Variants in UBE2L3 observed in about 807,000 individuals in gnomAD.
The protein encoded by UBE2L3 is ubiquitin-conjugating enzyme E2 L3.
UBE2L3 carries 1 observed loss-of-function variant against 17.8 expected under a neutral mutation model. The observed-to-expected ratio is 0.06, with a 90% CI of 0.02 to 0.27. The LOEUF is 0.27. UBE2L3 is among the 10% of genes least tolerant of loss of function. UBE2L3 has a pLI of 1.00. For missense variants in UBE2L3, 40 were observed against 192.6 expected, an observed-to-expected ratio of 0.21 and a Z score of 4.69; for synonymous variants, 44 against 68.5, an observed-to-expected ratio of 0.64 and a Z score of 1.76.
At chr22:21,562,498 A>G (rs1254285516) in intron 1 of UBE2L3, among the ~76,000 whole-genome samples, 1 of 151,212 alleles carries the variant, frequency 6.6e-6, no homozygotes. Context: ...CAACCTCCCG[A>G]GTAGCTGGGA....
intron 2 of UBE2L3, among the ~76,000 whole-genome samples, chr22:21,607,178 C>T (rs1278921244): frequency 6.6e-6 from 1 of 152,100 alleles, no homozygotes; most frequent in Non-Finnish European, 1.5e-5. Context: ...TAGGCCACGG[C>T]TTGAAGATAT....
chr22:21,564,574 A>G (rs900673869), upstream of UBE2L3, among the ~76,000 whole-genome samples: 1 of 152,144 alleles, frequency 6.6e-6, no homozygotes, highest in Admixed American at 6.6e-5. Context: ...CCCCACCTGC[A>G]AAGTGCAAGG....
intron 3 of UBE2L3, among the ~76,000 whole-genome samples, chr22:21,615,104 A>G (rs1429300816): frequency 1.3e-5 from 2 of 151,470 alleles, no homozygotes; most frequent in Non-Finnish European, 3.0e-5. Flanking sequence ...GCAGTGAGCC[A>G]AGATTGTGCC....
rs62235074 is a variant in UBE2L3 at position 21,603,329 on chromosome 22, A to G, written c.124-7528A>G. ...GATCACCTGAGGTCAGGAGTTCGAG[A>G]CCAGCCTGGCCAACATGGTGAAACC... On this transcript the variant is annotated intron_variant, in intron 2 of 3. Coordinates refer to ENST00000342192, the MANE Select transcript of UBE2L3 (RefSeq NM_003347.4). Among the ~76,000 whole-genome samples, 255 of 151,832 alleles carry G rather than the reference A, an allele frequency of 1.7e-3. 1 individual carries two copies. The highest frequency in any genetic ancestry group is 3.3e-3 in the Non-Finnish European group (227 of 67,986).
At chr22:21,582,992 G>T (rs1471469568) in intron 1 of UBE2L3, among the ~76,000 whole-genome samples, 1 of 152,138 alleles carries the variant, frequency 6.6e-6, no homozygotes, top group African/African-American at 2.4e-5. Context: ...ACCCATCTAA[G>T]CCCTTCCCCT....
In UBE2L3 at chr22:21,567,735, C is replaced by T. The variant is rs1367915698; in HGVS notation, c.-10C>T. ...ATGCATTCTGGGGAAGGAGCAGCAC[C>T]AAATCCAAGATGGCGGCCAGCAGGA... is the stretch of plus-strand genomic sequence containing the variant. On this transcript the variant is annotated 5_prime_UTR_variant, in exon 1 of 4. Transcript: ENST00000342192. 2.5e-6 allele frequency: 4 copies of T among 1,581,112 alleles called. No individual in the cohort carries two copies. The highest frequency in any genetic ancestry group is 3.4e-6 in the Non-Finnish European group (4 of 1,165,082).
chr22:21,578,292 G>A (rs1927425266), intron 1 of UBE2L3, among the ~76,000 whole-genome samples: 1 of 151,740 alleles, frequency 6.6e-6, no homozygotes, highest in African/African-American at 2.4e-5. Context: ...CCCGGGAGTC[G>A]GAGCTTGTAG....
chr22:21,564,686 A>G (rs978157905), upstream of UBE2L3, among the ~76,000 whole-genome samples: 3 of 152,340 alleles, frequency 2.0e-5, no homozygotes, highest in East Asian at 5.8e-4. Context: ...TTCTCAGCTT[A>G]GCACATCCGG....
At chr22:21,567,550 C>T, upstream of UBE2L3, 1 of 1,260,508 alleles carries the variant, frequency 7.9e-7, no homozygotes, top group Non-Finnish European at 1.1e-6. Flanking sequence ...GATCCGTAAA[C>T]GCTGAGGCCC....
chr22:21,613,990 T>C (rs908515944), intron 3 of UBE2L3, among the ~76,000 whole-genome samples: 8 of 152,100 alleles, frequency 5.3e-5, no homozygotes, highest in Non-Finnish European at 1.0e-4. Context: ...AGAGGGAAAA[T>C]AGACTTCAGC....
At chr22:21,575,836 G>A (rs1443804220) in intron 1 of UBE2L3, among the ~76,000 whole-genome samples, 1 of 151,060 alleles carries the variant, frequency 6.6e-6, no homozygotes, top group East Asian at 2.0e-4. Context: ...TAGAGACGGG[G>A]TTTCTCCATT....
At chr22:21,619,312 G>A (rs1010967023) in intron 3 of UBE2L3, among the ~76,000 whole-genome samples, 6 of 152,190 alleles carry the variant, frequency 3.9e-5, no homozygotes, top group Admixed American at 2.0e-4. Flanking sequence ...CTTGTACAGG[G>A]AGGTGATACC....
chr22:21,556,160 C>T (rs373708722), intron 1 of UBE2L3, among the ~76,000 whole-genome samples: 3 of 152,292 alleles, frequency 2.0e-5, no homozygotes, highest in Non-Finnish European at 2.9e-5. Flanking sequence ...GAGCCTGGGA[C>T]GTCAAGACTG....
At chr22:21,575,771 G>A (rs564146099) in intron 1 of UBE2L3, among the ~76,000 whole-genome samples, 1 of 147,960 alleles carries the variant, frequency 6.8e-6, no homozygotes, top group South Asian at 2.2e-4. Context: ...AGCCTCCCGA[G>A]TAGCTGGAAC....
chr22:21,594,714 C>T (rs145149807), intron 2 of UBE2L3, among the ~76,000 whole-genome samples: 1,661 of 152,114 alleles, frequency 0.011, 35 homozygotes, highest in African/African-American at 0.037. Context: ...GGGCTCAGGG[C>T]AAAGGGTGTG....
upstream of UBE2L3, among the ~76,000 whole-genome samples, chr22:21,563,666 T>C: frequency 7.2e-6 from 1 of 138,624 alleles, no homozygotes; most frequent in East Asian, 2.3e-4. Context: ...AACCTCCCCC[T>C]CCCGGGTTCG....
intron 2 of UBE2L3, among the ~76,000 whole-genome samples, chr22:21,602,842 G>A (rs1480080666): frequency 6.6e-6 from 1 of 152,244 alleles, no homozygotes; most frequent in Admixed American, 6.5e-5. Flanking sequence ...CAAAGGTGAT[G>A]AGGATGGGCC....
At chr22:21,608,902 GT>G (rs774068895) in intron 2 of UBE2L3, among the ~76,000 whole-genome samples, 5 of 146,188 alleles carry the variant, frequency 3.4e-5, no homozygotes, top group African/African-American at 7.5e-5. Context: ...GTTTTGTTTT[GT>G]TTTTTTTTTG....
At chr22:21,612,643 C>CTTTTCTT (rs1929552765) in intron 3 of UBE2L3, among the ~76,000 whole-genome samples, 3 of 52,476 alleles carry the variant, frequency 5.7e-5, no homozygotes, top group African/African-American at 6.4e-5. Flanking sequence ...CTTTTCTTTT[C>CTTTTCTT]TTTTTTTTTT....
Sources: allele counts gnomAD v4.1 joint callset (sites outside exome capture counted in the v4.1 genomes callset), GRCh38; gene constraint gnomAD v4.1.1; transcripts MANE v1.5; gene names NCBI Gene and HGNC (gene_info 2026-07-23, HGNC 2026-07-21).